FGD4: variants seen among roughly 807,000 people sequenced by gnomAD.
FGD4 encodes FYVE, RhoGEF and PH domain-containing protein 4.
A neutral mutation model predicts 102.0 loss-of-function variants in FGD4; 42 were observed. That is an observed-to-expected ratio of 0.41 (90% CI 0.32 to 0.53). FGD4 has a LOEUF of 0.53. FGD4 is among the 20% of genes least tolerant of loss of function. The pLI is 0.21. For missense variants in FGD4, 902 were observed against 1,078.2 expected, an observed-to-expected ratio of 0.84 and a Z score of 2.29; for synonymous variants, 380 against 375.7, an observed-to-expected ratio of 1.01 and a Z score of -0.13.
intron 7 of FGD4, among the ~76,000 whole-genome samples, chr12:32,606,069 C>T (rs556427028): frequency 1.7e-4 from 26 of 152,226 alleles, no homozygotes; most frequent in South Asian, 8.3e-4. Context: ...CCTTAGGAAA[C>T]GCTCCTAAAT....
intron 7 of FGD4, among the ~76,000 whole-genome samples, chr12:32,605,557 C>A (rs1592379763): frequency 1.3e-5 from 2 of 152,190 alleles, no homozygotes; most frequent in Admixed American, 1.3e-4. Context: ...GTCTAGTTCT[C>A]TACTCCCAAA....
intron 1 of FGD4, among the ~76,000 whole-genome samples, chr12:32,551,411 C>A (rs1044803111): frequency 1.3e-5 from 2 of 152,134 alleles, no homozygotes; most frequent in African/African-American, 4.8e-5. Context: ...ATACTTGAAT[C>A]CTCACAGCAA....
chr12:32,472,774 G>C (rs1242554104), intron 1 of FGD4, among the ~76,000 whole-genome samples: 2 of 152,244 alleles, frequency 1.3e-5, no homozygotes, highest in Admixed American at 1.3e-4. Context: ...TGGGGACGTG[G>C]AGAGTCTTTA....
At chr12:32,496,208 G>C (rs927800750) in intron 1 of FGD4, among the ~76,000 whole-genome samples, 1 of 152,100 alleles carries the variant, frequency 6.6e-6, no homozygotes, top group African/African-American at 2.4e-5. Flanking sequence ...TGCATGCTTT[G>C]GTCCTTTAGG....
intron 1 of FGD4, among the ~76,000 whole-genome samples, chr12:32,459,518 A>G (rs1260792885): frequency 6.6e-6 from 1 of 152,050 alleles, no homozygotes; most frequent in Non-Finnish European, 1.5e-5. Flanking sequence ...TAAGGATCAT[A>G]AAATGTAAAT....
chr12:32,570,307 C>G (rs1945555990), intron 2 of FGD4, among the ~76,000 whole-genome samples: 1 of 149,258 alleles, frequency 6.7e-6, no homozygotes, highest in Non-Finnish European at 1.5e-5. Context: ...GAAATGGTGT[C>G]AGCTTATGGA....
intron 4 of FGD4, among the ~76,000 whole-genome samples, chr12:32,597,633 C>T (rs935568215): frequency 5.3e-5 from 8 of 152,026 alleles, no homozygotes; most frequent in Non-Finnish European, 7.3e-5. Context: ...ACAGGAGATA[C>T]AGCAGCTAAC....
intron 1 of FGD4, among the ~76,000 whole-genome samples, chr12:32,504,852 A>G (rs1364403291): frequency 6.6e-6 from 1 of 152,182 alleles, no homozygotes; most frequent in Non-Finnish European, 1.5e-5. Flanking sequence ...TTGACACATT[A>G]TGCCGGAATG....
intron 15 of FGD4, among the ~76,000 whole-genome samples, chr12:32,634,550 C>G (rs1950681837): frequency 6.6e-6 from 1 of 152,014 alleles, no homozygotes; most frequent in African/African-American, 2.4e-5. Flanking sequence ...AGTTTTACAT[C>G]TAGAGATATT....
At chr12:32,617,335 T>A (rs1565911443) in intron 10 of FGD4, among the ~76,000 whole-genome samples, 2 of 152,248 alleles carry the variant, frequency 1.3e-5, no homozygotes, top group Non-Finnish European at 2.9e-5. Context: ...GCAGATAATT[T>A]TTCCCTTATT....
At chr12:32,495,853 A>AC (rs1478789747) in intron 1 of FGD4, among the ~76,000 whole-genome samples, 4 of 152,148 alleles carry the variant, frequency 2.6e-5, no homozygotes, top group Non-Finnish European at 5.9e-5. Context: ...TACCGTGCAT[A>AC]CACAGCCTTG....
rs1261597345 is a variant in FGD4 at position 32,563,680 on chromosome 12, G to A, written c.167-457G>A. ...GGAGGTGGAGGTTGTAGCGAGCCGC[G>A]ATCACGCCACTGCACTCCAGCCTGG... On this transcript the variant is annotated intron_variant, in intron 1 of 16. Coordinates refer to ENST00000534526, the MANE Select transcript of FGD4 (RefSeq NM_001370298.3). Among the ~76,000 whole-genome samples the A allele has an allele frequency of 5.9e-5, 9 of 152,156 alleles. 1 individual carries two copies. Among genetic ancestry groups the A allele is most frequent in the Admixed American group, 2.6e-4 (4 of 15,272 alleles).
intron 1 of FGD4, among the ~76,000 whole-genome samples, chr12:32,471,928 C>T (rs552823329): frequency 3.9e-5 from 6 of 152,330 alleles, no homozygotes; most frequent in Non-Finnish European, 8.8e-5. Context: ...AAAATGTAAA[C>T]ACCTAGACAT....
At chr12:32,430,093 A>T (rs1004703784) in intron 1 of FGD4, among the ~76,000 whole-genome samples, 2 of 152,170 alleles carry the variant, frequency 1.3e-5, no homozygotes, top group African/African-American at 4.8e-5. Context: ...AGATCACCTG[A>T]GGTCAGGAGT....
intron 15 of FGD4, among the ~76,000 whole-genome samples, chr12:32,636,886 T>C (rs1258002070): frequency 1.3e-5 from 2 of 150,634 alleles, no homozygotes; most frequent in Non-Finnish European, 3.0e-5. Flanking sequence ...TTTTTTTTTT[T>C]TTTAGACAGA....
At chr12:32,481,032 G>A (rs1325575970) in intron 1 of FGD4, among the ~76,000 whole-genome samples, 1 of 146,436 alleles carries the variant, frequency 6.8e-6, no homozygotes, top group African/African-American at 2.5e-5. Flanking sequence ...GCCCGGGCTG[G>A]CCTTGAACTC....
intron 1 of FGD4, among the ~76,000 whole-genome samples, chr12:32,547,361 G>T (rs1408055638): frequency 6.6e-6 from 1 of 152,104 alleles, no homozygotes; most frequent in Non-Finnish European, 1.5e-5. Flanking sequence ...GATCACTTGA[G>T]CCCAGGAGTT....
chr12:32,423,507 G>T (rs1941722816), intron 1 of FGD4, among the ~76,000 whole-genome samples: 1 of 150,238 alleles, frequency 6.7e-6, no homozygotes, highest in South Asian at 2.1e-4. Flanking sequence ...CAGGAGAATT[G>T]CTTGAACCCG....
Position 32,619,890 on chromosome 12 carries a change from C to T in FGD4, c.1922+20C>T, listed in dbSNP as rs759980151. 2 of 1,613,482 alleles carry T rather than the reference C, an allele frequency of 1.2e-6. No individual in the cohort carries two copies. Among genetic ancestry groups the T allele is most frequent in the African/African-American group, 2.7e-5 (2 of 74,906 alleles). On this transcript the variant is annotated intron_variant, in intron 11 of 16. Transcript: ENST00000534526. ...GGCCAGGTAAGGGAACCATTTCTAT[C>T]ACACTGCTTTCCAAAATCAGGCAAC...
Sources: allele counts gnomAD v4.1 joint callset (sites outside exome capture counted in the v4.1 genomes callset), GRCh38; gene constraint gnomAD v4.1.1; transcripts MANE v1.5; gene names NCBI Gene and HGNC (gene_info 2026-07-23, HGNC 2026-07-21).